Variants in AFG3L2 observed in about 807,000 individuals in gnomAD.
AFG3L2 encodes mitochondrial inner membrane m-AAA protease component AFG3L2.
A neutral mutation model predicts 94.5 loss-of-function variants in AFG3L2; 54 were observed. The observed-to-expected ratio is 0.57, with a 90% CI of 0.46 to 0.72. The LOEUF is 0.72. Ranked by LOEUF, AFG3L2 falls within the 30% of genes least tolerant of loss-of-function variation. The pLI is 0.00. For synonymous variants in AFG3L2, 377 were observed against 365.5 expected (o/e 1.03, Z -0.36); for missense variants, 754 against 994.9 (o/e 0.76, Z 3.26).
At chr18:12,361,129 G>A (rs1392297573) in intron 6 of AFG3L2, among the ~76,000 whole-genome samples, 1 of 152,184 alleles carries the variant, frequency 6.6e-6, no homozygotes, top group Non-Finnish European at 1.5e-5. Context: ...CCAGCACTTT[G>A]GGAAGCCCAG....
intron 14 of AFG3L2, 81 bp from the exon 15 acceptor site, chr18:12,340,482 C>T: frequency 1.7e-6 from 2 of 1,148,584 alleles, no homozygotes; most frequent in South Asian, 2.5e-5. Context: ...CAGATAAACT[C>T]ATTGACTAAA....
At chr18:12,354,993 G>A (rs1908445616) in intron 9 of AFG3L2, among the ~76,000 whole-genome samples, 1 of 152,130 alleles carries the variant, frequency 6.6e-6, no homozygotes, top group Admixed American at 6.6e-5. Flanking sequence ...GGCAGGGGGT[G>A]CATCACCTGA....
At chr18:12,354,947 G>A (rs1042709483) in intron 9 of AFG3L2, among the ~76,000 whole-genome samples, 16 of 152,164 alleles carry the variant, frequency 1.1e-4, no homozygotes, top group African/African-American at 3.9e-4. Flanking sequence ...GGACAAGGTG[G>A]CTCACGCCTG....
At chr18:12,351,919 T>A (rs1293846510) in intron 10 of AFG3L2, among the ~76,000 whole-genome samples, 1 of 152,234 alleles carries the variant, frequency 6.6e-6, no homozygotes, top group Non-Finnish European at 1.5e-5. Context: ...AATAATCATA[T>A]ATTAGACTTA....
intron 6 of AFG3L2, among the ~76,000 whole-genome samples, chr18:12,361,172 C>T (rs1269571808): frequency 6.6e-6 from 1 of 151,796 alleles, no homozygotes; most frequent in African/African-American, 2.4e-5. Flanking sequence ...GAGTTTGAGA[C>T]CCCCCTGGCC....
chr18:12,370,006 G>T (rs1447741309), intron 3 of AFG3L2, among the ~76,000 whole-genome samples: 3 of 132,536 alleles, frequency 2.3e-5, no homozygotes, highest in Non-Finnish European at 4.6e-5. Flanking sequence ...AGTGAGCCAA[G>T]ATCATGCCAC....
At chr18:12,367,627 T>C (rs568821222) in intron 3 of AFG3L2, among the ~76,000 whole-genome samples, 8 of 152,300 alleles carry the variant, frequency 5.3e-5, no homozygotes, top group African/African-American at 1.9e-4. Flanking sequence ...CAAGAAATTA[T>C]AGGACTGTTA....
chr18:12,330,456 T>C (rs1907486383), intron 16 of AFG3L2, among the ~76,000 whole-genome samples: 1 of 152,154 alleles, frequency 6.6e-6, no homozygotes, highest in South Asian at 2.1e-4. Context: ...TCTGAGGTGA[T>C]AAGAATGTAT....
chr18:12,371,666 G>A lies in AFG3L2; in HGVS notation c.140C>T (p.Ala47Val). ...RTLYRFVTTQARASRNSLLTD... is the reference protein window; with the variant it reads ...RTLYRFVTTQVRASRNSLLTD... ...CAAAAGAGAATTTCTGCTGGCCCTTGCTTGAGTTGTAACAAATCGGTAAAG... is the reference window on the plus strand; with the variant it reads ...CAAAAGAGAATTTCTGCTGGCCCTTACTTGAGTTGTAACAAATCGGTAAAG... The change falls in exon 2 of 17, where the codon GCA becomes GTA. Residue 47 changes from alanine to valine, a missense_variant. Coordinates refer to ENST00000269143, the MANE Select transcript of AFG3L2 (RefSeq NM_006796.3). 1 of 1,614,018 alleles carries A rather than the reference G, an allele frequency of 6.2e-7. No homozygotes were observed. Among genetic ancestry groups the A allele is most frequent in the Non-Finnish European group, 8.5e-7 (1 of 1,179,992 alleles).
intron 6 of AFG3L2, among the ~76,000 whole-genome samples, chr18:12,361,496 A>C (rs764687569): frequency 6.6e-6 from 1 of 151,952 alleles, no homozygotes; most frequent in Non-Finnish European, 1.5e-5. Context: ...AAAATACAAA[A>C]AATTAGCCAG....
chr18:12,369,379 T>G (rs1908907245), intron 3 of AFG3L2, among the ~76,000 whole-genome samples: 1 of 152,126 alleles, frequency 6.6e-6, no homozygotes, highest in South Asian at 2.1e-4. Flanking sequence ...TCTTACTCCT[T>G]TGCATTCTTT....
intron 14 of AFG3L2, chr18:12,342,937 T>C (rs1214190316): frequency 6.6e-6 from 1 of 152,184 alleles, no homozygotes; most frequent in Non-Finnish European, 1.5e-5. Context: ...GATGAGTAAC[T>C]TACTGTTTTG....
intron 10 of AFG3L2, among the ~76,000 whole-genome samples, chr18:12,352,743 G>A (rs1908357072): frequency 6.6e-6 from 1 of 152,080 alleles, no homozygotes; most frequent in Non-Finnish European, 1.5e-5. Flanking sequence ...TTTTAAAAGA[G>A]CTGTTTGTTT....
chr18:12,334,756 C>T lies in AFG3L2; in HGVS notation c.2175+2585G>A, dbSNP rs186695357. 7.2e-5 allele frequency among the ~76,000 whole-genome samples: 11 copies of T among 152,328 alleles called. No homozygotes were observed. The East Asian group carries it at 2.1e-3, about 29-fold the overall frequency. On this transcript the variant is annotated intron_variant, in intron 16 of 16. Coordinates refer to ENST00000269143, the MANE Select transcript of AFG3L2 (RefSeq NM_006796.3). ...GTCTGGTCTGTGTTCCTGTTCCAAT[C>T]CAGCTGGCATGCTGCCACCACACTC...
chr18:12,332,932 C>A (rs1907586421), intron 16 of AFG3L2, among the ~76,000 whole-genome samples: 1 of 113,042 alleles, frequency 8.8e-6, no homozygotes. Flanking sequence ...ATAACATATA[C>A]TATATAACAT....
At position 12,376,361 on chromosome 18, in the gene AFG3L2, G is replaced by GT. The variant is rs1169748493; in HGVS notation, c.114+607dup. 2.0e-5 allele frequency among the ~76,000 whole-genome samples: 3 copies of GT among 152,238 alleles called. No homozygotes were observed. The East Asian group carries it at 5.8e-4, about 29-fold the overall frequency. On this transcript the variant is annotated intron_variant, in intron 1 of 16. Coordinates refer to ENST00000269143, the MANE Select transcript of AFG3L2 (RefSeq NM_006796.3). ...CACTCTATCATTATGTCAGAAACAC[G>GT]TATCAGGTCCCGTGTGTGTATCTAG...
intron 13 of AFG3L2, among the ~76,000 whole-genome samples, chr18:12,347,668 A>T (rs1159815084): frequency 6.6e-6 from 1 of 151,436 alleles, no homozygotes; most frequent in East Asian, 1.9e-4. Context: ...CTCCTGCCTC[A>T]GCCTCCCAAG....
intron 6 of AFG3L2, among the ~76,000 whole-genome samples, chr18:12,363,183 C>T (rs1908711866): frequency 6.6e-6 from 1 of 152,160 alleles, no homozygotes; most frequent in Non-Finnish European, 1.5e-5. Flanking sequence ...ACACAATTAT[C>T]CTAAGGGAGC....
intron 6 of AFG3L2, among the ~76,000 whole-genome samples, chr18:12,363,316 A>G (rs1046879659): frequency 6.6e-6 from 1 of 152,150 alleles, no homozygotes; most frequent in Non-Finnish European, 1.5e-5. Context: ...AGGAACTACA[A>G]ATTATTTTTA....
Sources: allele counts gnomAD v4.1 joint callset (sites outside exome capture counted in the v4.1 genomes callset), GRCh38; gene constraint gnomAD v4.1.1; transcripts MANE v1.5; gene names NCBI Gene and HGNC (gene_info 2026-07-23, HGNC 2026-07-21).